AFG1L: variants seen among roughly 807,000 people sequenced by gnomAD.
The protein encoded by AFG1L is AFG1 like ATPase.
In AFG1L, 53 loss-of-function variants were observed where a neutral mutation model predicts 62.2. That is an observed-to-expected ratio of 0.85 (90% CI 0.68 to 1.07). AFG1L has a LOEUF of 1.07. Ranked by LOEUF, AFG1L falls within the 50% of genes least tolerant of loss-of-function variation. The pLI is 0.00. For missense variants in AFG1L, 555 were observed against 590.5 expected, an observed-to-expected ratio of 0.94 and a Z score of 0.62; for synonymous variants, 228 against 210.3, an observed-to-expected ratio of 1.08 and a Z score of -0.73.
intron 8 of AFG1L, among the ~76,000 whole-genome samples, chr6:108,471,329 T>A (rs1232830901): frequency 1.3e-5 from 2 of 152,144 alleles, no homozygotes; most frequent in Non-Finnish European, 2.9e-5. Context: ...ACCTGATCAT[T>A]TTTCTTGGAC....
chr6:108,439,474 G>A (rs1771449951), intron 7 of AFG1L, among the ~76,000 whole-genome samples: 1 of 152,054 alleles, frequency 6.6e-6, no homozygotes, highest in Non-Finnish European at 1.5e-5. Context: ...CATGTAGATG[G>A]AAGAATCTCA....
intron 2 of AFG1L, among the ~76,000 whole-genome samples, chr6:108,329,315 T>C (rs1778178260): frequency 6.6e-6 from 1 of 152,120 alleles, no homozygotes; most frequent in Admixed American, 6.5e-5. Flanking sequence ...TTTATTTTTT[T>C]TGAGACAGAG....
chr6:108,425,830 A>G (rs1208547035), intron 7 of AFG1L, among the ~76,000 whole-genome samples: 3 of 152,140 alleles, frequency 2.0e-5, no homozygotes, highest in Non-Finnish European at 4.4e-5. Context: ...GTCATACACA[A>G]TGGTAAGTTA....
intron 8 of AFG1L, among the ~76,000 whole-genome samples, chr6:108,456,213 T>C (rs567674267): frequency 2.0e-5 from 3 of 152,254 alleles, no homozygotes; most frequent in African/African-American, 7.2e-5. Flanking sequence ...TAATATTCCT[T>C]CTACTATGCT....
intron 10 of AFG1L, among the ~76,000 whole-genome samples, chr6:108,496,128 AT>A (rs1428322577): frequency 6.6e-6 from 1 of 152,234 alleles, no homozygotes; most frequent in Non-Finnish European, 1.5e-5. Context: ...GTATTATGCT[AT>A]GGTTTAGTTA....
chr6:108,518,380 C>T (rs60327981), intron 11 of AFG1L, among the ~76,000 whole-genome samples: 4,684 of 151,954 alleles, frequency 0.031, 228 homozygotes, highest in African/African-American at 0.11. Flanking sequence ...AACCATCATT[C>T]TCAGCAAACT....
intron 7 of AFG1L, among the ~76,000 whole-genome samples, chr6:108,417,800 A>G (rs1055066545): frequency 6.6e-6 from 1 of 152,126 alleles, no homozygotes; most frequent in African/African-American, 2.4e-5. Context: ...TAATTCTCCT[A>G]AAGTATAAGA....
intron 10 of AFG1L, among the ~76,000 whole-genome samples, chr6:108,500,167 C>CGTGTGTGT (rs1413385578): frequency 9.6e-5 from 7 of 73,028 alleles, no homozygotes; most frequent in African/African-American, 3.2e-4. Flanking sequence ...TTCCATGGTG[C>CGTGTGTGT]GTGCGTGTGT....
intron 5 of AFG1L, among the ~76,000 whole-genome samples, chr6:108,363,324 T>TACTA (rs1168797643): frequency 6.6e-6 from 1 of 152,164 alleles, no homozygotes; most frequent in Non-Finnish European, 1.5e-5. Context: ...GTCACCCAGG[T>TACTA]ACTAAGTCTA....
At chr6:108,371,820 G>A (rs1319398631) in intron 6 of AFG1L, among the ~76,000 whole-genome samples, 1 of 152,086 alleles carries the variant, frequency 6.6e-6, no homozygotes, top group Non-Finnish European at 1.5e-5. Flanking sequence ...GCAGGGGTAT[G>A]ATTATGGCTT....
chr6:108,423,812 G>T (rs1770701490), intron 7 of AFG1L, among the ~76,000 whole-genome samples: 1 of 151,978 alleles, frequency 6.6e-6, no homozygotes, highest in African/African-American at 2.4e-5. Flanking sequence ...TGATAGTTTG[G>T]TTTTTATTAA....
At chr6:108,488,446 A>T (rs1312113195) in intron 10 of AFG1L, among the ~76,000 whole-genome samples, 3 of 152,096 alleles carry the variant, frequency 2.0e-5, no homozygotes, top group Non-Finnish European at 2.9e-5. Context: ...GTTGGTGCAA[A>T]GGTTGGGGGG....
intron 10 of AFG1L, among the ~76,000 whole-genome samples, chr6:108,500,167 CGTGCGTGT>C (rs1188561728): frequency 1.8e-3 from 128 of 73,098 alleles, no homozygotes; most frequent in African/African-American, 7.3e-3. Context: ...TTCCATGGTG[CGTGCGTGT>C]GTGTGTGTGT....
chr6:108,361,404 T>C (rs564816793), intron 5 of AFG1L, among the ~76,000 whole-genome samples: 1 of 152,284 alleles, frequency 6.6e-6, no homozygotes, highest in South Asian at 2.1e-4. Context: ...AGAAGGCCAG[T>C]CTTTCGTCTC....
chr6:108,390,588 C>G (rs530130309), intron 6 of AFG1L, among the ~76,000 whole-genome samples: 1 of 152,332 alleles, frequency 6.6e-6, no homozygotes, highest in East Asian at 1.9e-4. Context: ...TTCTAACTGT[C>G]AGGACCCTCA....
intron 6 of AFG1L, among the ~76,000 whole-genome samples, chr6:108,381,353 CTT>C (rs74626961): frequency 1.4e-5 from 2 of 142,796 alleles, no homozygotes; most frequent in Admixed American, 7.0e-5. Flanking sequence ...TTTTACTTTT[CTT>C]TTTTTTTTTT....
chr6:108,394,635 A>G (rs1781212028), intron 6 of AFG1L, among the ~76,000 whole-genome samples: 1 of 151,982 alleles, frequency 6.6e-6, no homozygotes, highest in Non-Finnish European at 1.5e-5. Flanking sequence ...AGATTAATCT[A>G]TTTTGCTATG....
At chr6:108,341,744 A>G (rs1238239475) in intron 2 of AFG1L, among the ~76,000 whole-genome samples, 1 of 152,076 alleles carries the variant, frequency 6.6e-6, no homozygotes, top group East Asian at 1.9e-4. Context: ...TATCTGCACA[A>G]TCTAAAAGGT....
chr6:108,309,209 T>C (rs1374718693), intron 1 of AFG1L, among the ~76,000 whole-genome samples: 4 of 152,374 alleles, frequency 2.6e-5, no homozygotes, highest in Admixed American at 6.5e-5. Flanking sequence ...TCAAGATTTA[T>C]GTTTCTTTGT....
Sources: gnomAD v4.1 joint callset for allele counts (sites outside exome capture counted in the v4.1 genomes callset) on GRCh38, gnomAD v4.1.1 for gene constraint, MANE v1.5 for transcripts, NCBI Gene and HGNC (gene_info 2026-07-23, HGNC 2026-07-21) for gene names.